B9D1: variants seen among roughly 807,000 people sequenced by gnomAD.
B9D1 encodes B9 domain-containing protein 1.
B9D1 carries 20 observed loss-of-function variants against 26.1 expected under a neutral mutation model. The observed-to-expected ratio is 0.77, with a 90% CI of 0.54 to 1.12. The LOEUF is 1.12. Among genes scored for constraint, B9D1 ranks in the 50% most tolerant of loss-of-function variants. The probability of loss-of-function intolerance (pLI) is 0.00; values close to 1 mark genes in which losing one functional copy is unlikely to be tolerated. For synonymous variants in B9D1, 105 were observed against 103.1 expected, an observed-to-expected ratio of 1.02 and a Z score of -0.11; for missense variants, 260 against 273.7, an observed-to-expected ratio of 0.95 and a Z score of 0.35.
chr17:19,338,237 G>A (rs1907619579), downstream of B9D1, among the ~76,000 whole-genome samples: 1 of 152,270 alleles, frequency 6.6e-6, no homozygotes, highest in African/African-American at 2.4e-5. Context: ...GTCGCCTTGC[G>A]GTGAGGAGGG....
chr17:19,351,888 T>C (rs1333440268), intron 3 of B9D1, among the ~76,000 whole-genome samples: 1 of 152,146 alleles, frequency 6.6e-6, no homozygotes, highest in African/African-American at 2.4e-5. Context: ...CTTCTGTTTC[T>C]TCTTATTATT....
At chr17:19,341,387 C>CATGGGACGACACA, downstream of B9D1, 1 of 1,157,590 alleles carries the variant, frequency 8.6e-7, no homozygotes, top group Non-Finnish European at 1.1e-6. Context: ...TGCTCTGTGT[C>CATGGGACGACACA]GTCCCATGAC....
intron 3 of B9D1, among the ~76,000 whole-genome samples, chr17:19,353,491 T>C (rs1909926972): frequency 6.7e-6 from 1 of 150,018 alleles, no homozygotes; most frequent in Non-Finnish European, 1.5e-5. Context: ...ACAAAAAAAA[T>C]CAGCTGGGCA....
chr17:19,365,069 C>T (rs1404636783), upstream of B9D1, among the ~76,000 whole-genome samples: 1 of 152,260 alleles, frequency 6.6e-6, no homozygotes, highest in Non-Finnish European at 1.5e-5. This position sits in a 1 kb window ranked among gnomAD's most constrained non-coding sequence, Gnocchi z 5.0. Context: ...CGGGTTCAAA[C>T]CCCTGGCCCC....
At chr17:19,357,748 G>GA in intron 3 of B9D1, 92 bp downstream of exon 3, 1 of 921,680 alleles carries the variant, frequency 1.1e-6, no homozygotes, top group Non-Finnish European at 1.8e-6. Flanking sequence ...ATCTGAATGT[G>GA]AACAGTCATG....
downstream of B9D1, chr17:19,341,047 G>A (rs149470794): frequency 4.8e-5 from 48 of 993,718 alleles, 1 homozygote; most frequent in East Asian, 1.6e-3. Context: ...CTAGGTGGTG[G>A]GTATGTGGTG....
chr17:19,340,045 C>CGG (rs1475136826), downstream of B9D1, among the ~76,000 whole-genome samples: 1 of 133,418 alleles, frequency 7.5e-6, no homozygotes, highest in African/African-American at 2.6e-5. Flanking sequence ...CCCCCCCCCC[C>CGG]CCCGGCTTCC....
chr17:19,341,203 C>T (rs1907926128), downstream of B9D1: 49 of 1,231,456 alleles, frequency 4.0e-5, no homozygotes, highest in East Asian at 5.7e-4. Context: ...GAGGCTTGTA[C>T]GTGCACACCA....
chr17:19,344,646 A>AT (rs1908508363), intron 5 of B9D1: 1 of 171,218 alleles, frequency 5.8e-6, no homozygotes, highest in Non-Finnish European at 1.3e-5. Flanking sequence ...CCCCCCACGG[A>AT]CACACCCGGC....
chr17:19,355,559 G>A (rs113300126), intron 3 of B9D1, among the ~76,000 whole-genome samples: 2,759 of 151,972 alleles, frequency 0.018, 61 homozygotes, highest in South Asian at 0.066. Context: ...GCTGGGCGTG[G>A]TGGCTCACGC....
chr17:19,343,165 A>G, downstream of B9D1: 1 of 1,450,478 alleles, frequency 6.9e-7, no homozygotes, highest in Middle Eastern at 2.5e-4. Context: ...AGGCAGCCCC[A>G]GGCCTAGGCT....
At chr17:19,335,604 T>A, downstream of B9D1, 1 of 701,218 alleles carries the variant, frequency 1.4e-6, no homozygotes, top group Non-Finnish European at 2.2e-6. Context: ...CAACAGTCCC[T>A]AGGCTAAGAC....
In B9D1 at chr17:19,377,905, T is replaced by A. The variant is rs1308362177; in HGVS notation, c.-344A>T. 6.1e-6 allele frequency: 6 copies of A among 985,228 alleles called. No individual in the cohort carries two copies. In the East Asian group the frequency reaches 5.7e-4, roughly 93 times the overall value. 61.0% of individuals were successfully genotyped at this position (985,228 alleles called of 1,614,324 possible). A position where few individuals can be genotyped will look rare whatever the true frequency, so the allele number is the denominator to read the frequency against. ...GCTGCAGTCCAACTTGGCCGGAAGC[T>A]GCGGAGAGGCTCAGCCACCGGAAGT... is the stretch of plus-strand genomic sequence containing the variant. On this transcript the variant is annotated 5_prime_UTR_variant, in exon 1 of 6. Transcript: ENST00000477478.
chr17:19,363,501 G>T (rs961206306), upstream of B9D1, among the ~76,000 whole-genome samples: 1 of 152,226 alleles, frequency 6.6e-6, no homozygotes, highest in Admixed American at 6.5e-5. Flanking sequence ...GATTCAGATG[G>T]CAAAGGCAGG....
intron 5 of B9D1, among the ~76,000 whole-genome samples, chr17:19,344,244 G>C (rs921785183): frequency 2.0e-5 from 3 of 152,214 alleles, no homozygotes; most frequent in African/African-American, 7.2e-5. Flanking sequence ...TGGGGGAGGG[G>C]AGGGGACAGT....
In B9D1 at chr17:19,347,790, G is replaced by C; in HGVS notation, c.335C>G (p.Pro112Arg). The part of the protein sequence containing the change: ...GYGAVHVPFS[P>R]GRHKRTIPMF... The stretch of plus-strand genomic sequence containing the variant: ...GGTCAGAATGAGGACCTACCGGCCA[G>C]GTGAGAAGGGCACGTGCACGGCCCC... Residue 112 changes from proline (P) to arginine (R), a missense_variant, in exon 4 of 7, where the codon CCT becomes CGT. Transcript: ENST00000261499. The surrounding 1 kb of genome is among the most constrained non-coding windows in gnomAD (Gnocchi z 4.3). 6.2e-7 allele frequency: 1 copy of C among 1,613,926 alleles called. No homozygotes were observed. The highest frequency in any genetic ancestry group is 8.5e-7 in the Non-Finnish European group (1 of 1,179,912).
At chr17:19,373,344 T>C (rs1205526560) in intron 1 of B9D1, among the ~76,000 whole-genome samples, 1 of 152,122 alleles carries the variant, frequency 6.6e-6, no homozygotes. Context: ...TTGCTAGAAA[T>C]GGACACTATC....
downstream of B9D1, chr17:19,341,150 C>G: frequency 8.1e-7 from 1 of 1,230,272 alleles, no homozygotes; most frequent in Non-Finnish European, 1.0e-6. Flanking sequence ...AAGAGGGTGA[C>G]TTAGTATTTC....
downstream of B9D1, among the ~76,000 whole-genome samples, chr17:19,339,975 C>T (rs905119615): frequency 6.7e-5 from 10 of 148,938 alleles, no homozygotes; most frequent in African/African-American, 2.5e-4. Context: ...AGCAAGTAAG[C>T]GTGGACCTGC....
Sources: allele counts gnomAD v4.1 joint callset (sites outside exome capture counted in the v4.1 genomes callset), GRCh38; gene constraint gnomAD v4.1.1; non-coding constraint Gnocchi (gnomAD v3.1); transcripts MANE v1.5; gene names NCBI Gene and HGNC (gene_info 2026-07-23, HGNC 2026-07-21).